Variants in FASN observed in about 807,000 individuals in gnomAD.
FASN encodes the protein 3-hydroxyacyl-[acyl-carrier-protein] dehydratase.
Under a neutral mutation model 250.0 loss-of-function variants are expected in FASN, and 50 were observed. The observed-to-expected ratio is 0.20, with a 90% confidence interval of 0.16 to 0.25. The LOEUF (loss-of-function observed/expected upper bound fraction) is 0.25. Among genes scored for constraint, FASN ranks in the 10% least tolerant of loss-of-function variants. FASN has a pLI of 1.00. For synonymous variants in FASN, 1,909 were observed against 1,584.0 expected (o/e 1.21, Z -4.87); for missense variants, 3,031 against 3,498.5 (o/e 0.87, Z 3.37).
At chr17:82,090,225 C>T (rs901497653) in intron 11 of FASN, 150 bp downstream of exon 11, 73 of 746,798 alleles carry the variant, frequency 9.8e-5, no homozygotes, top group South Asian at 4.8e-4. Context: ...GCAGGGGACT[C>T]GCGCACGGCT....
rs1307072269 is a variant in FASN, at chr17:82,078,415, C to T, written c.*728G>A. 1 of 152,538 alleles carries T rather than the reference C, an allele frequency of 6.6e-6. No individual in the cohort carries two copies. Among genetic ancestry groups the T allele is most frequent in the East Asian group, 1.9e-4 (1 of 5,202 alleles). The allele number at this position is 152,538 out of a possible 1,614,324, so 9.4% of individuals were successfully genotyped here. A position where few individuals can be genotyped will look rare whatever the true frequency, so the allele number is the denominator to read the frequency against. On this transcript the variant is annotated 3_prime_UTR_variant, in exon 43 of 43. Coordinates refer to ENST00000306749, the MANE Select transcript of FASN (RefSeq NM_004104.5). The surrounding 1 kb of genome is among the most constrained non-coding windows in gnomAD (Gnocchi z 5.4). ...AATTGGTGTAAAAATGAAACGGGGT[C>T]CAGACGTGTACACTGACAGTTACAG... is the stretch of plus-strand genomic sequence containing the variant.
At position 82,092,608 on chromosome 17, in the gene FASN, G is replaced by A. The variant is rs367573652; in HGVS notation, c.895-19C>T. The A allele has an allele frequency of 4.1e-5, 65 of 1,604,898 alleles. No individual in the cohort carries two copies. The highest frequency in any genetic ancestry group is 5.0e-5 in the Non-Finnish European group (59 of 1,179,632). ...CGCCCACCTGTGGGAAACATGGGGG[G>A]TGAGGGGCTCTGGCCAGGTCACCTC... On this transcript the variant is annotated intron_variant, in intron 7 of 42. Transcript: ENST00000306749.
intron 1 of FASN, among the ~76,000 whole-genome samples, chr17:82,097,686 G>A (rs1466191396): frequency 6.6e-6 from 1 of 152,064 alleles, no homozygotes; most frequent in East Asian, 1.9e-4. Flanking sequence ...CACGTGATGG[G>A]GAGGCCGGTC....
At chr17:82,086,667 C>T in intron 21 of FASN, 109 bp from the exon 22 acceptor site, 1 of 842,942 alleles carries the variant, frequency 1.2e-6, no homozygotes, top group Non-Finnish European at 1.9e-6. Flanking sequence ...CCGCTCTGCC[C>T]ACAGGATGAG....
chr17:82,087,818 G>A lies in FASN; in HGVS notation c.2910C>T (p.Asp970=). 6.2e-7 allele frequency: 1 copy of A among 1,612,628 alleles called. No homozygotes were observed. Among genetic ancestry groups the A allele is most frequent in the Non-Finnish European group, 8.5e-7 (1 of 1,179,912 alleles). ...GGTTGGGGGTGGGGCTTTCCGGGTGGTCGAAGAGCCTGGGGTCAGGGTCAT... is the reference window on the plus strand; with the variant it reads ...GGTTGGGGGTGGGGCTTTCCGGGTGATCGAAGAGCCTGGGGTCAGGGTCAT... ...QWDDPDPRLF[D]HPESPTPNPT... Residue 970 remains aspartate (D), a synonymous_variant, in exon 19 of 43, where the codon GAC becomes GAT. Transcript: ENST00000306749.
chr17:82,080,639 G>A, intron 39 of FASN, 49 bp from the exon 40 acceptor site: 1 of 1,551,922 alleles, frequency 6.4e-7, no homozygotes, highest in South Asian at 1.2e-5. Context: ...GCAGCCACGG[G>A]CCCCGTGATG....
chr17:82,091,385 C>T lies in FASN; in HGVS notation c.1329G>A (p.Arg443=). The change falls in exon 9 of 43, where the codon CGG becomes CGA. Residue 443 remains arginine (R), a synonymous_variant. Coordinates refer to ENST00000306749, the MANE Select transcript of FASN (RefSeq NM_004104.5). The part of the protein sequence containing the change: ...AVQKLLEQGL[R]HSQDLAFLSM... ...TCAGGAAAGCCAGGTCCTGGCTGTG[C>T]CGGAGGCCCTGCTCCAGCAGCTTCT... The T allele has an allele frequency of 6.2e-7, 1 of 1,610,886 alleles. No homozygotes were observed. Among genetic ancestry groups the T allele is most frequent in the Non-Finnish European group, 8.5e-7 (1 of 1,179,270 alleles).
rs1018659811 is a variant in FASN at position 82,089,845 on chromosome 17, T to C, written c.1871-119A>G. On this transcript the variant is annotated intron_variant, in intron 11 of 42. Transcript: ENST00000306749. ...ATGACAAGTGTGGTAATGGCAGCCTTGGAGCCTTCATGAGAAAGGTTCGCC... is the reference window on the plus strand; with the variant it reads ...ATGACAAGTGTGGTAATGGCAGCCTCGGAGCCTTCATGAGAAAGGTTCGCC... 18 of 894,694 alleles carry C rather than the reference T, an allele frequency of 2.0e-5. No individual in the cohort carries two copies. In the African/African-American group the frequency reaches 2.5e-4, roughly 12 times the overall value. 55.4% of individuals were successfully genotyped at this position (894,694 alleles called of 1,614,324 possible).
intron 10 of FASN, 106 bp from the exon 11 acceptor site, chr17:82,090,670 C>T: frequency 8.7e-7 from 1 of 1,153,082 alleles, no homozygotes; most frequent in Non-Finnish European, 1.3e-6. Context: ...CCCATCGACC[C>T]TCCCAGGTCT....
rs140356212 is a variant in FASN, at chr17:82,087,730, C to T, written c.2998G>A (p.Asp1000Asn). 151 of 1,612,366 alleles carry T rather than the reference C, an allele frequency of 9.4e-5. No homozygotes were observed. The African/African-American group carries it at 1.6e-3, about 17-fold the overall frequency. The change falls in exon 19 of 43, where the codon GAC (aspartate) becomes AAC (asparagine). Residue 1000 changes from aspartate to asparagine, a missense_variant. Transcript: ENST00000306749. ...VYKELRLRGYDYGPHFQGILE... is the reference protein window; with the variant it reads ...VYKELRLRGYNYGPHFQGILE... The stretch of plus-strand genomic sequence containing the variant: ...ATGCCCTGGAAATGAGGGCCGTAGT[C>T]GTAGCCACGCAGACGCAGCTCCTTG...
In FASN at chr17:82,091,388, G is replaced by T; in HGVS notation, c.1326C>A (p.Leu442=). Residue 442 remains leucine, a synonymous_variant, in exon 9 of 43, where the codon CTC becomes CTA. Transcript: ENST00000306749. ...EAVQKLLEQG[L]RHSQDLAFLS... is the part of the protein sequence containing the mutation. Reference sequence around the variant, plus strand: ...GGAAAGCCAGGTCCTGGCTGTGCCGGAGGCCCTGCTCCAGCAGCTTCTGCA... The same window carrying T: ...GGAAAGCCAGGTCCTGGCTGTGCCGTAGGCCCTGCTCCAGCAGCTTCTGCA... The T allele has an allele frequency of 6.2e-7, 1 of 1,610,956 alleles. No individual in the cohort carries two copies. Among genetic ancestry groups the T allele is most frequent in the Non-Finnish European group, 8.5e-7 (1 of 1,179,290 alleles).
intron 2 of FASN, 62 bp from the exon 3 acceptor site, chr17:82,095,534 G>A: frequency 6.3e-7 from 1 of 1,592,460 alleles, no homozygotes; most frequent in Non-Finnish European, 8.6e-7. Context: ...GGGCCCTGTG[G>A]GGTGCTGCAG....
At chr17:82,091,927 G>A (rs2034217102) in intron 8 of FASN, among the ~76,000 whole-genome samples, 1 of 152,228 alleles carries the variant, frequency 6.6e-6, no homozygotes, top group Admixed American at 6.5e-5. Flanking sequence ...AGCCTGATGT[G>A]GACCCACCAA....
At position 82,086,561 on chromosome 17, in the gene FASN, G is replaced by T; in HGVS notation, c.3428-3C>A. 6.2e-7 allele frequency: 1 copy of T among 1,606,464 alleles called. No homozygotes were observed. On this transcript the variant is annotated splice_polypyrimidine_tract_variant and splice_region_variant and intron_variant, in intron 21 of 42. Transcript: ENST00000306749. Reference sequence around the variant, plus strand: ...GGTCTGCAGTGCCTGCACCAGCCCTGGGGAGGGAGGGAGGCAGGCCTGGTG... The same window carrying T: ...GGTCTGCAGTGCCTGCACCAGCCCTTGGGAGGGAGGGAGGCAGGCCTGGTG...
intron 31 of FASN, 45 bp from the exon 32 acceptor site, chr17:82,083,470 C>T (rs1228609490): frequency 8.7e-6 from 14 of 1,612,568 alleles, no homozygotes; most frequent in Non-Finnish European, 1.1e-5. Flanking sequence ...CACAGGTCCA[C>T]CCACACCCAT....
In FASN at chr17:82,078,960, C is replaced by T. The variant is rs895924299; in HGVS notation, c.*183G>A. On this transcript the variant is annotated 3_prime_UTR_variant, in exon 43 of 43. Coordinates refer to ENST00000306749, the MANE Select transcript of FASN (RefSeq NM_004104.5). This position sits in a 1 kb window ranked among gnomAD's most constrained non-coding sequence, Gnocchi z 5.4. ...GGCAGCTCTGGTGTCCCCGAGGTGC[C>T]GTGGGAGGCGGCGGGTGGGTGGGAC... is the stretch of plus-strand genomic sequence containing the variant. 15 of 713,896 alleles carry T rather than the reference C, an allele frequency of 2.1e-5. No homozygotes were observed. The highest frequency in any genetic ancestry group is 1.4e-4 in the East Asian group (5 of 36,624). 44.2% of individuals were successfully genotyped at this position (713,896 alleles called of 1,614,324 possible).
Position 82,085,465 on chromosome 17 carries a change from C to T in FASN, c.4122+17G>A. ...CTCACCCGGCCCCCACCCTGTCCCCCTGCCCGGCGGCCGCACCTGGCTCAG... is the reference window on the plus strand; with the variant it reads ...CTCACCCGGCCCCCACCCTGTCCCCTTGCCCGGCGGCCGCACCTGGCTCAG... On this transcript the variant is annotated intron_variant, in intron 23 of 42. Coordinates refer to ENST00000306749, the MANE Select transcript of FASN (RefSeq NM_004104.5). 3.8e-6 allele frequency: 6 copies of T among 1,590,906 alleles called. No individual in the cohort carries two copies. The highest frequency in any genetic ancestry group is 5.1e-6 in the Non-Finnish European group (6 of 1,169,674).
intron 25 of FASN, 40 bp downstream of exon 25, chr17:82,084,995 C>A (rs929097376): frequency 1.5e-5 from 24 of 1,581,848 alleles, no homozygotes; most frequent in South Asian, 1.5e-4. Context: ...GATGGGGAGG[C>A]TGGTGGGGAA....
Position 82,087,827 on chromosome 17 carries a change from C to G in FASN, c.2901G>C (p.Arg967Ser). ...KVYQWDDPDP[R>S]LFDHPESPTP... is the part of the protein sequence containing the mutation. ...TGGGGCTTTCCGGGTGGTCGAAGAGCCTGGGGTCAGGGTCATCCCACTGGT... is the reference window on the plus strand; with the variant it reads ...TGGGGCTTTCCGGGTGGTCGAAGAGGCTGGGGTCAGGGTCATCCCACTGGT... Residue 967 changes from arginine to serine, a missense_variant, in exon 19 of 43, where the codon AGG becomes AGC. Coordinates refer to ENST00000306749, the MANE Select transcript of FASN (RefSeq NM_004104.5). 6.2e-7 allele frequency: 1 copy of G among 1,612,618 alleles called. No homozygotes were observed. The highest frequency in any genetic ancestry group is 1.3e-5 in the African/African-American group (1 of 75,036).
Sources: gnomAD v4.1 joint callset for allele counts (sites outside exome capture counted in the v4.1 genomes callset) on GRCh38, gnomAD v4.1.1 for gene constraint, Gnocchi (gnomAD v3.1) non-coding constraint, MANE v1.5 for transcripts, NCBI Gene and HGNC (gene_info 2026-07-23, HGNC 2026-07-21) for gene names.